Variants in VPS13C observed in about 807,000 individuals in gnomAD.
VPS13C encodes intermembrane lipid transfer protein VPS13C.
Under a neutral mutation model 456.8 loss-of-function variants are expected in VPS13C, and 358 were observed. The ratio of observed to expected loss-of-function variants is 0.78; its 90% CI spans 0.72 to 0.86. VPS13C has a LOEUF of 0.86. Among genes scored for constraint, VPS13C ranks in the 40% least tolerant of loss-of-function variants. The probability of loss-of-function intolerance (pLI) is 0.00; values close to 1 mark genes in which losing one functional copy is unlikely to be tolerated. For synonymous variants in VPS13C, 1,578 were observed against 1,486.7 expected (o/e 1.06, Z -1.41); for missense variants, 4,818 against 4,385.4 (o/e 1.10, Z -2.79).
rs147630523 is a variant in VPS13C, at chr15:61,971,285, A to G, written c.2757+1340T>C. Among the ~76,000 whole-genome samples the G allele has an allele frequency of 1.2e-4, 18 of 152,214 alleles. No homozygotes were observed. The East Asian group carries it at 3.1e-3, about 26-fold the overall frequency. On this transcript the variant is annotated intron_variant, in intron 27 of 84. Transcript: ENST00000644861. ...TTTTACTTTATTTTATTTTAGAGACAAAGTCTTGCTCTGTCACCTAGGCTG... is the reference window on the plus strand; with the variant it reads ...TTTTACTTTATTTTATTTTAGAGACGAAGTCTTGCTCTGTCACCTAGGCTG...
Position 61,873,347 on chromosome 15 carries a change from T to C in VPS13C, c.10477A>G (p.Thr3493Ala). Residue 3493 changes from threonine (T) to alanine (A), a missense_variant, in exon 78 of 85, where the codon ACA (threonine) becomes GCA (alanine). Thr to Ala is a moderately conservative substitution (Grantham distance 58). Around this residue, in one of 3 missense-constraint regions of VPS13C, gnomAD observed 4,552 missense variants for 4,130.6 expected, o/e 1.10. Coordinates refer to ENST00000644861, the MANE Select transcript of VPS13C (RefSeq NM_020821.3). ...GSVGKGLAAITMDKEYQQKRR... is the reference protein window; with the variant it reads ...GSVGKGLAAIAMDKEYQQKRR... ...TTTTGCTGATATTCCTTGTCCATTG[T>C]AATTGCTGCCAAACCTTTCCCAACA... is the stretch of plus-strand genomic sequence containing the variant. 6.2e-7 allele frequency: 1 copy of C among 1,613,822 alleles called. No individual in the cohort carries two copies. The highest frequency in any genetic ancestry group is 8.5e-7 in the Non-Finnish European group (1 of 1,179,810).
intron 15 of VPS13C, among the ~76,000 whole-genome samples, chr15:62,006,303 G>A (rs2046842567): frequency 6.6e-6 from 1 of 151,778 alleles, no homozygotes; most frequent in Admixed American, 6.6e-5. Flanking sequence ...CCCTTCCTGT[G>A]TCCATGTGTT....
At position 61,992,291 on chromosome 15, in the gene VPS13C, C is replaced by G. The variant is rs899027146; in HGVS notation, c.1354-489G>C. On this transcript the variant is annotated intron_variant, in intron 16 of 84. Coordinates refer to ENST00000644861, the MANE Select transcript of VPS13C (RefSeq NM_020821.3). Reference sequence around the variant, plus strand: ...AATAGTCCTTAAATCTAATTTCACCCTCTTTTCTCAACAAATCCTGACTTG... The same window carrying G: ...AATAGTCCTTAAATCTAATTTCACCGTCTTTTCTCAACAAATCCTGACTTG... Among the ~76,000 whole-genome samples the G allele has an allele frequency of 1.3e-5, 2 of 152,156 alleles. 1 individual carries two copies. Among genetic ancestry groups the G allele is most frequent in the South Asian group, 4.1e-4 (2 of 4,828 alleles).
In VPS13C at chr15:61,972,635, T is replaced by G. The variant is rs1307521359; in HGVS notation, c.2747A>C (p.Glu916Ala). Residue 916 changes from glutamate (E) to alanine (A), a missense_variant, in exon 27 of 85, where the codon GAA becomes GCA. Around this residue, in one of 3 missense-constraint regions of VPS13C, gnomAD observed 4,552 missense variants for 4,130.6 expected, o/e 1.10. Coordinates refer to ENST00000644861, the MANE Select transcript of VPS13C (RefSeq NM_020821.3). ...EELINLLLKF[E>A]IKEVILEFTK... ...CAAAAAAGCACATACTTCTTTAATT[T>G]CAAACTTGAGTAGAAGATTGATGAG... is the stretch of plus-strand genomic sequence containing the variant. 1.2e-5 allele frequency: 19 copies of G among 1,612,698 alleles called. No homozygotes were observed. The highest frequency in any genetic ancestry group is 1.5e-5 in the Non-Finnish European group (18 of 1,179,446).
Position 61,963,817 on chromosome 15 carries a change from T to C in VPS13C, c.3331+18A>G, listed in dbSNP as rs774186288. On this transcript the variant is annotated intron_variant, in intron 32 of 84. Transcript: ENST00000644861. ...AGTTTATCTTTTCGCCAATTTTCAATGCCGTGTGAACTTTTACCTTGAATC... is the reference window on the plus strand; with the variant it reads ...AGTTTATCTTTTCGCCAATTTTCAACGCCGTGTGAACTTTTACCTTGAATC... The C allele has an allele frequency of 5.8e-6, 9 of 1,556,280 alleles. No homozygotes were observed. In the East Asian group the frequency reaches 1.4e-4, roughly 23 times the overall value.
At chr15:62,002,598 C>T (rs1166729767) in intron 15 of VPS13C, among the ~76,000 whole-genome samples, 1 of 152,084 alleles carries the variant, frequency 6.6e-6, no homozygotes, top group East Asian at 1.9e-4. Flanking sequence ...CTTGTCCATG[C>T]CTATGTCCTG....
At chr15:61,859,642 C>T (rs569488045) in intron 82 of VPS13C, among the ~76,000 whole-genome samples, 16 of 152,226 alleles carry the variant, frequency 1.1e-4, no homozygotes, top group African/African-American at 3.9e-4. Flanking sequence ...TGACACTTTT[C>T]CCATGACACT....
intron 29 of VPS13C, among the ~76,000 whole-genome samples, 194 bp downstream of exon 29, chr15:61,967,174 T>C (rs761825129): frequency 1.3e-5 from 2 of 151,966 alleles, no homozygotes; most frequent in Non-Finnish European, 2.9e-5. Context: ...AGAAGTTTAG[T>C]GACTTTGTAT....
At chr15:61,984,215 C>G (rs898916734) in intron 19 of VPS13C, among the ~76,000 whole-genome samples, 4 of 152,194 alleles carry the variant, frequency 2.6e-5, no homozygotes, top group Non-Finnish European at 5.9e-5. Flanking sequence ...TTTTAATTAA[C>G]TCCTTTCATC....
chr15:61,905,090 A>G (rs2043116785), intron 66 of VPS13C, among the ~76,000 whole-genome samples: 1 of 152,146 alleles, frequency 6.6e-6, no homozygotes, highest in Non-Finnish European at 1.5e-5. Flanking sequence ...ATAGTTAACA[A>G]TAATGTATTC....
At chr15:61,945,013 G>A (rs1050411157) in intron 45 of VPS13C, among the ~76,000 whole-genome samples, 1 of 152,050 alleles carries the variant, frequency 6.6e-6, no homozygotes. Flanking sequence ...TGGATCACAG[G>A]GGCAGTTTCC....
In VPS13C at chr15:62,037,252, TTTA is replaced by T. The variant is rs1463080375; in HGVS notation, c.188-2203_188-2201del. ...ATTATATATAAATATATATAATATA[TTTA>T]TATATATTATATTATATAATATATT... On this transcript the variant is annotated intron_variant, in intron 3 of 84. Coordinates refer to ENST00000644861, the MANE Select transcript of VPS13C (RefSeq NM_020821.3). Among the ~76,000 whole-genome samples, 106 of 22,172 alleles carry T rather than the reference TTTA, an allele frequency of 4.8e-3. 6 individuals carry two copies. Among genetic ancestry groups the T allele is most frequent in the Non-Finnish European group, 6.2e-3 (74 of 11,926 alleles). 14.5% of individuals were successfully genotyped at this position (22,172 alleles called of 152,430 possible). A position where few individuals can be genotyped will look rare whatever the true frequency, so the allele number is the denominator to read the frequency against.
chr15:61,869,120 T>C (rs1386854549), intron 80 of VPS13C, among the ~76,000 whole-genome samples: 35 of 146,576 alleles, frequency 2.4e-4, no homozygotes, highest in African/African-American at 6.4e-4. Context: ...TTTTTTCTTT[T>C]TTTTTTTTTT....
chr15:62,009,636 T>C (rs1050654443), intron 13 of VPS13C, among the ~76,000 whole-genome samples: 2 of 152,228 alleles, frequency 1.3e-5, no homozygotes, highest in Admixed American at 1.3e-4. Flanking sequence ...ACACAGCTAC[T>C]AGAAAATCTA....
chr15:61,986,067 T>A (rs1292524453), intron 18 of VPS13C, among the ~76,000 whole-genome samples: 1 of 151,538 alleles, frequency 6.6e-6, no homozygotes, highest in African/African-American at 2.4e-5. Flanking sequence ...TAACACTGAT[T>A]GGTGCACATA....
chr15:61,977,820 A>T (rs562488472), intron 23 of VPS13C, among the ~76,000 whole-genome samples: 1 of 152,200 alleles, frequency 6.6e-6, no homozygotes, highest in South Asian at 2.1e-4. Flanking sequence ...ACAAAAGAAA[A>T]GGCAGTTTTA....
rs1341913264 is a variant in VPS13C, at chr15:61,927,263, A to T, written c.6344T>A (p.Val2115Glu). ...AGCCTTTGTCAGGCTGGCAACAAAT[A>T]CCACTTCTGGATCTGTGATCATGGC... ...LKAMITDPEV[V>E]FVASLTKADA... The change falls in exon 52 of 85, where the codon GTA (valine) becomes GAA (glutamate). Residue 2115 changes from valine (V) to glutamate (E), a missense_variant. Around this residue, in one of 3 missense-constraint regions of VPS13C, gnomAD observed 4,552 missense variants for 4,130.6 expected, o/e 1.10. Coordinates refer to ENST00000644861, the MANE Select transcript of VPS13C (RefSeq NM_020821.3). 6.2e-7 allele frequency: 1 copy of T among 1,614,194 alleles called. No individual in the cohort carries two copies. Among genetic ancestry groups the T allele is most frequent in the East Asian group, 2.2e-5 (1 of 44,884 alleles).
chr15:61,972,579 T>C lies in VPS13C; in HGVS notation c.2757+46A>G, dbSNP rs746867131. The C allele has an allele frequency of 4.4e-6, 7 of 1,592,716 alleles. 1 individual carries two copies. The highest frequency in any genetic ancestry group is 3.3e-5 in the South Asian group (3 of 89,800). On this transcript the variant is annotated intron_variant, in intron 27 of 84. Coordinates refer to ENST00000644861, the MANE Select transcript of VPS13C (RefSeq NM_020821.3). ...TCTAGCTTGAGGATAGCTTACAAGA[T>C]AGTGACAGCCAGAATATATCTATTT...
rs1046679358 is a variant in VPS13C at position 61,958,828 on chromosome 15, A to G, written c.4057-112T>C. ...ACATGAGGGACAGAATAATCCTAAC[A>G]CTGAAAAGTTACATACAATCACAAC... On this transcript the variant is annotated intron_variant, in intron 36 of 84. Coordinates refer to ENST00000644861, the MANE Select transcript of VPS13C (RefSeq NM_020821.3). 8 of 534,610 alleles carry G rather than the reference A, an allele frequency of 1.5e-5. No homozygotes were observed. The African/African-American group carries it at 1.6e-4, about 11-fold the overall frequency. 33.1% of individuals were successfully genotyped at this position (534,610 alleles called of 1,614,324 possible). A position where few individuals can be genotyped will look rare whatever the true frequency, so the allele number is the denominator to read the frequency against.
Sources: gnomAD v4.1 joint callset for allele counts (sites outside exome capture counted in the v4.1 genomes callset) on GRCh38, gnomAD v4.1.1 for gene constraint, gnomAD v4.1.1 regional missense constraint, MANE v1.5 for transcripts, NCBI Gene and HGNC (gene_info 2026-07-23, HGNC 2026-07-21) for gene names.